Variants in OLA1 observed in about 807,000 individuals in gnomAD.
OLA1 encodes Obg like ATPase 1, also known as obg-like ATPase 1.
OLA1 carries 14 observed loss-of-function variants against 48.4 expected under a neutral mutation model. The observed-to-expected ratio is 0.29, with a 90% CI of 0.19 to 0.45. The LOEUF (loss-of-function observed/expected upper bound fraction) is 0.45. OLA1 is among the 20% of genes least tolerant of loss of function. OLA1 has a pLI of 1.00. For synonymous variants in OLA1, 127 were observed against 150.4 expected, an observed-to-expected ratio of 0.84 and a Z score of 1.14; for missense variants, 325 against 467.1, an observed-to-expected ratio of 0.70 and a Z score of 2.80.
intron 7 of OLA1, among the ~76,000 whole-genome samples, chr2:174,099,160 A>T (rs931000678): frequency 7.6e-4 from 109 of 144,100 alleles, no homozygotes; most frequent in African/African-American, 2.4e-3. Context: ...TATTTTATTT[A>T]TTTTTTTTTT....
intron 4 of OLA1, among the ~76,000 whole-genome samples, chr2:174,153,012 A>G (rs1020767734): frequency 5.9e-5 from 9 of 152,162 alleles, no homozygotes; most frequent in Admixed American, 5.2e-4. Context: ...CTAAAACTCA[A>G]TCTAGACCAA....
chr2:174,131,666 AC>A (rs1201226934), intron 5 of OLA1, among the ~76,000 whole-genome samples: 2 of 151,886 alleles, frequency 1.3e-5, no homozygotes, highest in Non-Finnish European at 2.9e-5. Flanking sequence ...ATGGTATCTC[AC>A]CGTAGTCTGA....
intron 4 of OLA1, among the ~76,000 whole-genome samples, chr2:174,195,374 G>C (rs1687860717): frequency 6.6e-6 from 1 of 151,896 alleles, no homozygotes; most frequent in African/African-American, 2.4e-5. Flanking sequence ...AACTATCCTT[G>C]TACCAACTGA....
intron 9 of OLA1, chr2:174,079,458 A>G (rs1173206061): frequency 6.4e-6 from 1 of 155,660 alleles, no homozygotes; most frequent in African/African-American, 2.4e-5. Context: ...TAAAAAGATA[A>G]AAAGCTCTCA....
chr2:174,152,070 C>G (rs1483643843), intron 4 of OLA1, among the ~76,000 whole-genome samples: 2 of 152,176 alleles, frequency 1.3e-5, no homozygotes, highest in African/African-American at 4.8e-5. Context: ...TAATATGTAT[C>G]TTTGCATTAA....
intron 7 of OLA1, among the ~76,000 whole-genome samples, chr2:174,119,279 T>A (rs1401063173): frequency 6.6e-6 from 1 of 152,046 alleles, no homozygotes; most frequent in Non-Finnish European, 1.5e-5. Context: ...TTATTTGAAA[T>A]CCTAATTCAT....
At chr2:174,166,385 A>G (rs1490281343) in intron 4 of OLA1, among the ~76,000 whole-genome samples, 5 of 152,216 alleles carry the variant, frequency 3.3e-5, no homozygotes, top group Admixed American at 6.5e-5. Context: ...GATTTGAGCA[A>G]GCAGATACAA....
rs558032991 is a variant in OLA1 at position 174,182,095 on chromosome 2, G to A, written c.374-40095C>T. Among the ~76,000 whole-genome samples, 81 of 152,212 alleles carry A rather than the reference G, an allele frequency of 5.3e-4. 3 individuals are homozygous for A. The South Asian group carries it at 0.016, about 30-fold the overall frequency. On this transcript the variant is annotated intron_variant, in intron 4 of 10. Coordinates refer to ENST00000284719, the MANE Select transcript of OLA1 (RefSeq NM_013341.5). ...GGGAAGAAAGAGTTAAATATCTGAA[G>A]AACTAAAAATCTGAAATGACCTAAA... is the stretch of plus-strand genomic sequence containing the variant.
At chr2:174,177,990 C>T (rs1485140194) in intron 4 of OLA1, among the ~76,000 whole-genome samples, 1 of 151,908 alleles carries the variant, frequency 6.6e-6, no homozygotes, top group African/African-American at 2.4e-5. Flanking sequence ...GTTGACTTTT[C>T]CCCAATTCAA....
At chr2:174,158,368 G>T (rs1686935380) in intron 4 of OLA1, among the ~76,000 whole-genome samples, 1 of 152,068 alleles carries the variant, frequency 6.6e-6, no homozygotes, top group Non-Finnish European at 1.5e-5. Flanking sequence ...TTATGGTACA[G>T]AAGGGGTGGT....
intron 4 of OLA1, among the ~76,000 whole-genome samples, chr2:174,209,644 TG>T: frequency 6.6e-6 from 1 of 152,234 alleles, no homozygotes; most frequent in Non-Finnish European, 1.5e-5. Flanking sequence ...GAGACTCTAT[TG>T]GTAGCTGCAT....
At chr2:174,092,641 G>T (rs1685155285) in intron 7 of OLA1, among the ~76,000 whole-genome samples, 1 of 152,146 alleles carries the variant, frequency 6.6e-6, no homozygotes, top group Non-Finnish European at 1.5e-5. Flanking sequence ...CAGCCTGGGT[G>T]ACAGAGTTAG....
chr2:174,108,950 T>C (rs943095927), intron 7 of OLA1, among the ~76,000 whole-genome samples: 1 of 152,324 alleles, frequency 6.6e-6, no homozygotes, highest in Admixed American at 6.5e-5. Flanking sequence ...CTCTTTAGAA[T>C]GGGACACTTG....
intron 3 of OLA1, among the ~76,000 whole-genome samples, chr2:174,226,628 T>C (rs1021212167): frequency 1.3e-5 from 2 of 152,072 alleles, no homozygotes; most frequent in African/African-American, 4.8e-5. Context: ...GCCTCCTGAG[T>C]AGCTGGGATT....
intron 4 of OLA1, among the ~76,000 whole-genome samples, chr2:174,193,888 C>T (rs1687828188): frequency 6.6e-6 from 1 of 152,160 alleles, no homozygotes; most frequent in South Asian, 2.1e-4. Context: ...AAGGCTCAGC[C>T]TTAGTCACAT....
chr2:174,123,564 A>G (rs1490922679), intron 6 of OLA1, 31 bp downstream of exon 6: 1 of 1,284,256 alleles, frequency 7.8e-7, no homozygotes, highest in South Asian at 1.3e-5. Flanking sequence ...AAGCAAAGGC[A>G]GTAATAGATG....
chr2:174,080,926 G>T, intron 9 of OLA1: 1 of 455,366 alleles, frequency 2.2e-6, no homozygotes, highest in East Asian at 4.2e-5. Flanking sequence ...ACAGGATGAA[G>T]AAATTCAGAC....
At chr2:174,086,657 A>C (rs889533268) in intron 7 of OLA1, among the ~76,000 whole-genome samples, 12 of 152,182 alleles carry the variant, frequency 7.9e-5, no homozygotes, top group Admixed American at 1.3e-4. Context: ...GACAGTCTGG[A>C]TAACCAAGAC....
intron 4 of OLA1, among the ~76,000 whole-genome samples, chr2:174,195,261 A>T (rs1175655254): frequency 6.6e-6 from 1 of 151,990 alleles, no homozygotes; most frequent in African/African-American, 2.4e-5. Context: ...CACTGCTGTA[A>T]TTTTTTTATT....
Sources: allele counts gnomAD v4.1 joint callset (sites outside exome capture counted in the v4.1 genomes callset), GRCh38; gene constraint gnomAD v4.1.1; transcripts MANE v1.5; gene names NCBI Gene and HGNC (gene_info 2026-07-23, HGNC 2026-07-21).